AGXT: variants seen among roughly 807,000 people sequenced by gnomAD.
AGXT encodes the protein L-alanine: glyoxylate aminotransferase 1.
A neutral mutation model predicts 46.9 loss-of-function variants in AGXT; 41 were observed. The ratio of observed to expected loss-of-function variants is 0.88; its 90% CI spans 0.68 to 1.14. The LOEUF (loss-of-function observed/expected upper bound fraction) is 1.14. AGXT is among the 50% of genes most tolerant of loss of function. AGXT has a pLI of 0.00. For synonymous variants in AGXT, 244 were observed against 227.9 expected (o/e 1.07, Z -0.64); for missense variants, 525 against 522.7 (o/e 1.00, Z -0.04).
Position 240,872,960 on chromosome 2 carries a change from C to G in AGXT, c.525-19C>G, listed in dbSNP as rs777487249. 38 of 1,612,710 alleles carry G rather than the reference C, an allele frequency of 2.4e-5. 1 individual carries two copies. In the Admixed American group the frequency reaches 6.2e-4, roughly 26 times the overall value. ...CCTGCCTCACCTGCTGCCCTCCATT[C>G]TGTCCCCCACCTCTCCAGGTACAAG... On this transcript the variant is annotated intron_variant, in intron 4 of 10. Transcript: ENST00000307503.
At position 240,870,727 on chromosome 2, in the gene AGXT, G is replaced by A; in HGVS notation, c.423+19G>A. ...GGAGGAGGTAGGGGACCCGGGGTGG[G>A]GGTCAGGGCCGGGAGGAGGTGGGAG... is the stretch of plus-strand genomic sequence containing the variant. On this transcript the variant is annotated intron_variant, in intron 3 of 10. Transcript: ENST00000307503. The A allele has an allele frequency of 2.6e-6, 4 of 1,552,428 alleles. No individual in the cohort carries two copies. Among genetic ancestry groups the A allele is most frequent in the Non-Finnish European group, 3.5e-6 (4 of 1,147,874 alleles).
chr2:240,873,355 GCT>G, intron 5 of AGXT: 1 of 402,838 alleles, frequency 2.5e-6, no homozygotes, highest in South Asian at 3.1e-5. Context: ...AAGGGCCAGG[GCT>G]CCAGTCAATC....
chr2:240,877,981 A>T, intron 9 of AGXT, 41 bp from the exon 10 acceptor site: 1 of 1,605,162 alleles, frequency 6.2e-7, no homozygotes. Context: ...AGGCCCGTAC[A>T]GGGCCTCTCA....
chr2:240,869,925 A>T (rs548432132), intron 2 of AGXT, among the ~76,000 whole-genome samples: 3 of 152,282 alleles, frequency 2.0e-5, no homozygotes, highest in South Asian at 4.1e-4. Flanking sequence ...GAGCTCCACA[A>T]TGGCCATGCT....
intron 6 of AGXT, among the ~76,000 whole-genome samples, chr2:240,874,599 A>G (rs1459933847): frequency 6.6e-6 from 1 of 152,134 alleles, no homozygotes; most frequent in Non-Finnish European, 1.5e-5. Context: ...AGAAGTCAGG[A>G]ATTCGGTGTT....
intron 6 of AGXT, among the ~76,000 whole-genome samples, chr2:240,874,774 C>T (rs917233737): frequency 5.3e-5 from 8 of 152,222 alleles, no homozygotes; most frequent in African/African-American, 1.9e-4. Flanking sequence ...CCCTGGGGCC[C>T]GAAAGCAGTC....
rs538822103 is a variant in AGXT at position 240,873,609 on chromosome 2, G to C, written c.596-369G>C. ...CCATGGGAGCCTGTCTGTTTCTGCA[G>C]AGCCCCTCCTGATTTGGGAGTTCTC... On this transcript the variant is annotated intron_variant, in intron 5 of 10. Coordinates refer to ENST00000307503, the MANE Select transcript of AGXT (RefSeq NM_000030.3). The C allele has an allele frequency of 3.1e-3, 1,005 of 329,114 alleles. 4 individuals carry two copies. Among genetic ancestry groups the C allele is most frequent in the Non-Finnish European group, 4.8e-3 (850 of 176,342 alleles). The allele number at this position is 329,114 out of a possible 1,614,324, so 20.4% of individuals were successfully genotyped here.
chr2:240,869,944 CGCGACCGCAACA>C (rs1394740130), intron 2 of AGXT, among the ~76,000 whole-genome samples: 1 of 152,130 alleles, frequency 6.6e-6, no homozygotes, highest in African/African-American at 2.4e-5. Context: ...CTGGTTAATA[CGCGACCGCAACA>C]GCCAAGAGGG....
Position 240,869,525 on chromosome 2 carries a change from G to T in AGXT, c.358+163G>T, listed in dbSNP as rs11681134. ...TGCCAGCCCACTGCCTCCTCCAGGC[G>T]GTGTCGGGCACTCATGAGGCCTGAC... On this transcript the variant is annotated intron_variant, in intron 2 of 10. Coordinates refer to ENST00000307503, the MANE Select transcript of AGXT (RefSeq NM_000030.3). Among the ~76,000 whole-genome samples, 44,880 of 152,170 alleles carry T rather than the reference G, an allele frequency of 0.29. 7,532 individuals are homozygous for T. Among genetic ancestry groups the T allele is most frequent in the Non-Finnish European group, 0.39 (26,248 of 67,976 alleles).
Position 240,878,146 on chromosome 2 carries a change from G to A in AGXT, c.1067G>A (p.Gly356Glu), listed in dbSNP as rs1473419492. 1 of 1,612,834 alleles carries A rather than the reference G, an allele frequency of 6.2e-7. No homozygotes were observed. Among genetic ancestry groups the A allele is most frequent in the Non-Finnish European group, 8.5e-7 (1 of 1,179,956 alleles). The change falls in exon 10 of 11, where the codon GGG becomes GAG. Residue 356 changes from glycine (G) to glutamate (E), a missense_variant. Coordinates refer to ENST00000307503, the MANE Select transcript of AGXT (RefSeq NM_000030.3). ...ATGGGTGGCCTTGGGCCCTCCACGG[G>A]GAAGGTGAGAGGGAGCGCCTCGAGG... The part of the protein sequence containing the change: ...EIMGGLGPST[G>E]KVLRIGLLGC...
Position 240,875,145 on chromosome 2 carries a change from C to T in AGXT, c.717C>T (p.Ser239=), listed in dbSNP as rs201438986. The part of the protein sequence containing the change: ...KMYSRKTKPF[S]FYLDIKWLAN... Reference sequence around the variant, plus strand: ...ACTCCCGCAAGACGAAGCCCTTCTCCTTCTACCTGGACATCAAGTGGCTGG... The same window carrying T: ...ACTCCCGCAAGACGAAGCCCTTCTCTTTCTACCTGGACATCAAGTGGCTGG... The change falls in exon 7 of 11, where the codon TCC becomes TCT. Residue 239 remains serine (S), a synonymous_variant. Transcript: ENST00000307503. 2.6e-5 allele frequency: 42 copies of T among 1,613,966 alleles called. No individual in the cohort carries two copies. In the African/African-American group the frequency reaches 5.3e-4, roughly 20 times the overall value.
chr2:240,873,700 G>T (rs896139952), intron 5 of AGXT, among the ~76,000 whole-genome samples: 1 of 152,100 alleles, frequency 6.6e-6, no homozygotes, highest in Non-Finnish European at 1.5e-5. Context: ...ACCTGGGGAG[G>T]GCCCCAGGGA....
intron 7 of AGXT, 76 bp downstream of exon 7, chr2:240,875,280 C>G: frequency 1.6e-6 from 2 of 1,237,344 alleles, no homozygotes; most frequent in Non-Finnish European, 2.4e-6. Context: ...TCTCACTGCA[C>G]TCAGGGATTC....
In AGXT at chr2:240,879,422, A is replaced by G. The variant is rs996064471; in HGVS notation, c.*601A>G. The G allele has an allele frequency of 4.5e-5, 7 of 156,128 alleles. No individual in the cohort carries two copies. In the South Asian group the frequency reaches 6.0e-4, roughly 13 times the overall value. 9.7% of individuals were successfully genotyped at this position (156,128 alleles called of 1,614,324 possible). A position where few individuals can be genotyped will look rare whatever the true frequency, so the allele number is the denominator to read the frequency against. ...AGCCCATGACACGTGGAAGCCTCCA[A>G]TGGAAGGTCCCCTATGCTCCCATCC... On this transcript the variant is annotated 3_prime_UTR_variant, in exon 11 of 11. Transcript: ENST00000307503.
Position 240,873,010 on chromosome 2 carries a change from G to T in AGXT, c.556G>T (p.Ala186Ser). The T allele has an allele frequency of 6.2e-7, 1 of 1,613,952 alleles. No individual in the cohort carries two copies. The highest frequency in any genetic ancestry group is 1.7e-5 in the Admixed American group (1 of 60,012). The change falls in exon 5 of 11, where the codon GCA becomes TCA. Residue 186 changes from alanine (A) to serine (S), a missense_variant. Ala to Ser is a moderately conservative substitution (Grantham distance 99, BLOSUM62 1). Transcript: ENST00000307503. ...YKCLLLVDSVASLGGTPLYMD... is the reference protein window; with the variant it reads ...YKCLLLVDSVSSLGGTPLYMD... Reference sequence around the variant, plus strand: ...GTGCCTGCTCCTGGTGGATTCGGTGGCATCCCTGGGCGGGACCCCCCTTTA... The same window carrying T: ...GTGCCTGCTCCTGGTGGATTCGGTGTCATCCCTGGGCGGGACCCCCCTTTA...
At chr2:240,872,203 C>T (rs4991359) in intron 4 of AGXT, among the ~76,000 whole-genome samples, 4,588 of 92,222 alleles carry the variant, frequency 0.05, 216 homozygotes, top group African/African-American at 0.16. Context: ...AACATGCAGG[C>T]GGAGGAGGGT....
intron 4 of AGXT, among the ~76,000 whole-genome samples, chr2:240,871,663 C>T (rs556634120): frequency 8.5e-5 from 13 of 152,156 alleles, no homozygotes; most frequent in East Asian, 5.8e-4. Context: ...GCTCCCTGGC[C>T]GAGCGCCCCC....
At chr2:240,877,263 C>A in intron 8 of AGXT, 3 of 633,854 alleles carry the variant, frequency 4.7e-6, no homozygotes, top group South Asian at 1.6e-5. Flanking sequence ...GTCCCCTCCC[C>A]CTGCAAGGCA....
At chr2:240,870,108 G>T (rs574832355) in intron 2 of AGXT, among the ~76,000 whole-genome samples, 1 of 152,268 alleles carries the variant, frequency 6.6e-6, no homozygotes, top group East Asian at 1.9e-4. Context: ...TTGGCCGCAG[G>T]TTCTTCCCCT....
Sources: gnomAD v4.1 joint callset for allele counts (sites outside exome capture counted in the v4.1 genomes callset) on GRCh38, gnomAD v4.1.1 for gene constraint, MANE v1.5 for transcripts, NCBI Gene and HGNC (gene_info 2026-07-23, HGNC 2026-07-21) for gene names.